The following MBTD1 variants were observed in gnomAD, a reference collection of about 807,000 sequenced individuals.
MBTD1 encodes mbt domain containing 1, also known as MBT domain-containing protein 1.
In MBTD1, 24 loss-of-function variants were observed where a neutral mutation model predicts 87.8. That is an observed-to-expected ratio of 0.27 (90% CI 0.20 to 0.38). The LOEUF is 0.38. Ranked by LOEUF, MBTD1 falls within the 10% of genes least tolerant of loss-of-function variation. The probability of loss-of-function intolerance (pLI) is 1.00; values close to 1 mark genes in which losing one functional copy is unlikely to be tolerated. For synonymous variants in MBTD1, 237 were observed against 248.6 expected, an observed-to-expected ratio of 0.95 and a Z score of 0.44; for missense variants, 436 against 760.2, an observed-to-expected ratio of 0.57 and a Z score of 5.02.
At chr17:51,184,929 AAAG>A (rs1217482494) in intron 16 of MBTD1, 1 of 152,218 alleles carries the variant, frequency 6.6e-6, no homozygotes, top group Non-Finnish European at 1.5e-5. Context: ...TTTTCGTACA[AAAG>A]AAGTAGTGTA....
chr17:51,258,062 T>C (rs1341223719), intron 2 of MBTD1, among the ~76,000 whole-genome samples: 4 of 145,774 alleles, frequency 2.7e-5, no homozygotes, highest in Non-Finnish European at 6.0e-5. Context: ...GGTGTTGAGG[T>C]AAACAAATGA....
chr17:51,253,081 T>C (rs906862689), intron 2 of MBTD1, among the ~76,000 whole-genome samples: 5 of 152,144 alleles, frequency 3.3e-5, no homozygotes, highest in Non-Finnish European at 4.4e-5. Context: ...CATGTATTAC[T>C]TTGATAAAAA....
At chr17:51,214,159 G>T (rs72826476) in intron 6 of MBTD1, among the ~76,000 whole-genome samples, 2 of 151,970 alleles carry the variant, frequency 1.3e-5, no homozygotes, top group Non-Finnish European at 2.9e-5. Flanking sequence ...TAGAGACAAG[G>T]TCTTGCTATG....
At chr17:51,194,341 G>A (rs1366103971) in intron 13 of MBTD1, among the ~76,000 whole-genome samples, 1 of 152,098 alleles carries the variant, frequency 6.6e-6, no homozygotes, top group African/African-American at 2.4e-5. Flanking sequence ...AGGCCAAGGT[G>A]GGTGGATCAC....
intron 7 of MBTD1, among the ~76,000 whole-genome samples, chr17:51,206,517 G>C (rs183672317): frequency 1.4e-4 from 22 of 151,986 alleles, no homozygotes; most frequent in Non-Finnish European, 3.1e-4. Context: ...TGTGATCTAA[G>C]AATTACTTTT....
intron 11 of MBTD1, 78 bp from the exon 12 acceptor site, chr17:51,201,774 G>T: frequency 9.7e-7 from 1 of 1,031,212 alleles, no homozygotes; most frequent in Non-Finnish European, 1.5e-6. Context: ...AATGTGAAAA[G>T]ATTTACCAGG....
intron 2 of MBTD1, among the ~76,000 whole-genome samples, chr17:51,242,317 C>A (rs796225362): frequency 8.5e-5 from 13 of 152,308 alleles, no homozygotes; most frequent in African/African-American, 3.1e-4. Flanking sequence ...CACTTTCCCA[C>A]ACTTCACATT....
intron 13 of MBTD1, among the ~76,000 whole-genome samples, 164 bp downstream of exon 13, chr17:51,195,050 A>G (rs2051020842): frequency 6.6e-6 from 1 of 152,168 alleles, no homozygotes; most frequent in South Asian, 2.1e-4. Context: ...AGAATACAGT[A>G]CTTTATATTT....
intron 2 of MBTD1, among the ~76,000 whole-genome samples, chr17:51,256,025 G>C (rs2055067756): frequency 6.6e-6 from 1 of 152,128 alleles, no homozygotes; most frequent in Non-Finnish European, 1.5e-5. Context: ...AAATAATTGG[G>C]CCACAACGTT....
intron 6 of MBTD1, among the ~76,000 whole-genome samples, chr17:51,214,242 C>T (rs551180891): frequency 5.3e-4 from 81 of 152,232 alleles, no homozygotes; most frequent in African/African-American, 1.8e-3. Flanking sequence ...GTTGGGATTA[C>T]AGGTATAAAC....
At chr17:51,194,566 CAAAAAAAAAAAAA>C (rs71355733) in intron 13 of MBTD1, among the ~76,000 whole-genome samples, 2 of 19,752 alleles carry the variant, frequency 1.0e-4, no homozygotes, top group African/African-American at 2.6e-4. Flanking sequence ...GAGACTGTCT[CAAAAAAAAAAAAA>C]AAAAAAAAAA....
chr17:51,225,292 T>C, intron 2 of MBTD1, 83 bp from the exon 3 acceptor site: 1 of 608,922 alleles, frequency 1.6e-6, no homozygotes, highest in Non-Finnish European at 2.5e-6. Flanking sequence ...TTCTGGTAAA[T>C]GAGATTTGAT....
rs1361153865 is a variant in MBTD1 at position 51,178,190 on chromosome 17, T to C, written c.*2386A>G. ...CGATTGAGTTGTACAACTGGAGTTA[T>C]GGCTAAGACATAAATCTCCTCTGCA... On this transcript the variant is annotated 3_prime_UTR_variant, in exon 17 of 17. Coordinates refer to ENST00000586178, the MANE Select transcript of MBTD1 (RefSeq NM_017643.3). 6.6e-6 allele frequency: 1 copy of C among 152,222 alleles called. No individual in the cohort carries two copies. The highest frequency in any genetic ancestry group is 1.9e-4 in the East Asian group (1 of 5,204). 9.4% of individuals were successfully genotyped at this position (152,222 alleles called of 1,614,324 possible). A position where few individuals can be genotyped will look rare whatever the true frequency, so the allele number is the denominator to read the frequency against.
rs1245292900 is a variant in MBTD1, at chr17:51,202,037, T to C, written c.1104A>G (p.Pro368=). 4 of 1,606,546 alleles carry C rather than the reference T, an allele frequency of 2.5e-6. No homozygotes were observed. In the East Asian group the frequency reaches 6.7e-5, roughly 27 times the overall value. Residue 368 remains proline, a synonymous_variant, in exon 11 of 17, where the codon CCA becomes CCG. Transcript: ENST00000586178. ...AACTTCTTACCTTAGCAAATAAATG[T>C]GGTGGTGTATCAAAATGTCCATCCT... ...KKQDGHFDTP[P]HLFAKVKEVD... is the part of the protein sequence containing the mutation.
chr17:51,241,141 A>G (rs1352053030), intron 2 of MBTD1, among the ~76,000 whole-genome samples: 1 of 151,856 alleles, frequency 6.6e-6, no homozygotes, highest in Non-Finnish European at 1.5e-5. Flanking sequence ...CACCCAGCTA[A>G]TTTTTGTACT....
chr17:51,203,745 AG>A, intron 8 of MBTD1, 45 bp downstream of exon 8: 1 of 1,557,588 alleles, frequency 6.4e-7, no homozygotes, highest in Non-Finnish European at 8.8e-7. Flanking sequence ...ATAGCATTAA[AG>A]TACACATATA....
intron 2 of MBTD1, among the ~76,000 whole-genome samples, chr17:51,253,436 A>T (rs1008092256): frequency 1.3e-5 from 2 of 152,186 alleles, no homozygotes; most frequent in African/African-American, 4.8e-5. Context: ...CAGCAGGGGA[A>T]TCATGAGCAA....
chr17:51,259,734 CCAGGGAGCGGGGT>C (rs961612638), intron 1 of MBTD1, 88 bp downstream of exon 1: 2 of 1,115,368 alleles, frequency 1.8e-6, no homozygotes, highest in African/African-American at 1.6e-5. Context: ...GAGAAGCAGG[CCAGGGAGCGGGGT>C]CAGGGAGCTG....
At chr17:51,202,450 T>C (rs1246064754) in intron 10 of MBTD1, among the ~76,000 whole-genome samples, 1 of 152,186 alleles carries the variant, frequency 6.6e-6, no homozygotes, top group Non-Finnish European at 1.5e-5. Flanking sequence ...ATGGGCTGAA[T>C]AATAAAAGAA....
Sources: gnomAD v4.1 joint callset for allele counts (sites outside exome capture counted in the v4.1 genomes callset) on GRCh38, gnomAD v4.1.1 for gene constraint, MANE v1.5 for transcripts, NCBI Gene and HGNC (gene_info 2026-07-23, HGNC 2026-07-21) for gene names.